The following NCOR2 variants were observed in gnomAD, a reference collection of about 807,000 sequenced individuals.
NCOR2 encodes the protein CTG repeat protein 26.
In NCOR2, 81 loss-of-function variants were observed where a neutral mutation model predicts 262.9. That is an observed-to-expected ratio of 0.31 (90% confidence interval 0.26 to 0.37). NCOR2 has a LOEUF of 0.37. NCOR2 is among the 10% of genes least tolerant of loss of function. The probability of loss-of-function intolerance (pLI) is 1.00; values close to 1 mark genes in which losing one functional copy is unlikely to be tolerated. For missense variants in NCOR2, 3,385 were observed against 3,621.4 expected (o/e 0.93, Z 1.68); for synonymous variants, 1,659 against 1,559.3 (o/e 1.06, Z -1.51).
rs932133627 is a variant in NCOR2, at chr12:124,566,212, G to T, written c.-165+1096C>A. On this transcript the variant is annotated intron_variant, in intron 1 of 32. Coordinates refer to the NCOR2 transcript ENST00000458234. This position sits in a 1 kb window ranked among gnomAD's most constrained non-coding sequence, Gnocchi z 4.3. ...CACAATAAAACCAGTTCTCACCAAC[G>T]GGGGAGAGGAGGAGGGGGAGGAAGG... Among the ~76,000 whole-genome samples, 1 of 152,158 alleles carries T rather than the reference G, an allele frequency of 6.6e-6. No individual in the cohort carries two copies. The highest frequency in any genetic ancestry group is 1.5e-5 in the Non-Finnish European group (1 of 68,028).
intron 1 of NCOR2, among the ~76,000 whole-genome samples, chr12:124,519,903 C>T (rs1365228975): frequency 6.6e-6 from 1 of 152,208 alleles, no homozygotes; most frequent in Non-Finnish European, 1.5e-5. Context: ...CCAAGGTCAA[C>T]AGCTAGTGGC....
Position 124,457,755 on chromosome 12 carries a change from C to T in NCOR2, c.706-593G>A, listed in dbSNP as rs913992360. Among the ~76,000 whole-genome samples the T allele has an allele frequency of 6.6e-6, 1 of 152,108 alleles. No individual in the cohort carries two copies. ...TTATTAGGAAAACAGGAACATGTGG[C>T]GCAGGGCTCGGTGGCCGCTCCATCA... On this transcript the variant is annotated intron_variant, in intron 5 of 46. Coordinates refer to ENST00000405201, the Ensembl canonical transcript of NCOR2. This position sits in a 1 kb window ranked among gnomAD's most constrained non-coding sequence, Gnocchi z 4.0.
chr12:124,369,734 G>T (rs1361586507), intron 20 of NCOR2, among the ~76,000 whole-genome samples: 1 of 152,148 alleles, frequency 6.6e-6, no homozygotes, highest in Non-Finnish European at 1.5e-5. Flanking sequence ...CTGACTCCCA[G>T]CCGAGGACTC....
At chr12:124,475,592 G>C (rs745687461) in intron 3 of NCOR2, among the ~76,000 whole-genome samples, 9 of 152,252 alleles carry the variant, frequency 5.9e-5, no homozygotes, top group Non-Finnish European at 8.8e-5. Context: ...GGAACAAATG[G>C]GCATGGCTGT....
intron 7 of NCOR2, among the ~76,000 whole-genome samples, chr12:124,445,096 A>G (rs973357474): frequency 6.6e-6 from 1 of 152,198 alleles, no homozygotes; most frequent in Non-Finnish European, 1.5e-5. Flanking sequence ...GAAAAGAGAA[A>G]AACGAGCAAC....
At chr12:124,446,313 C>T (rs2045168875) in intron 7 of NCOR2, among the ~76,000 whole-genome samples, 1 of 152,224 alleles carries the variant, frequency 6.6e-6, no homozygotes, top group African/African-American at 2.4e-5. Flanking sequence ...TCCCTGCAGC[C>T]ACCAAAGTGA....
At chr12:124,508,191 C>T (rs968328202) in intron 1 of NCOR2, among the ~76,000 whole-genome samples, 4 of 152,254 alleles carry the variant, frequency 2.6e-5, no homozygotes, top group African/African-American at 7.2e-5. Flanking sequence ...ACCCCACTGC[C>T]GCCTGGGCTC....
rs74658827 is a variant in NCOR2, at chr12:124,382,391, G to A, written c.2019+3354C>T. On this transcript the variant is annotated intron_variant, in intron 17 of 46. Coordinates refer to ENST00000405201, the Ensembl canonical transcript of NCOR2. ...TGCTCCTTCAAGGTCGGCCAGGAGC[G>A]AGAACCAACCCCACACTCCCAAATC... is the stretch of plus-strand genomic sequence containing the variant. Among the ~76,000 whole-genome samples, 1,256 of 152,226 alleles carry A rather than the reference G, an allele frequency of 8.3e-3. 20 individuals carry two copies. The highest frequency in any genetic ancestry group is 0.028 in the African/African-American group (1,184 of 41,544).
intron 16 of NCOR2, among the ~76,000 whole-genome samples, chr12:124,386,688 C>T (rs991566095): frequency 6.6e-6 from 1 of 152,202 alleles, no homozygotes; most frequent in African/African-American, 2.4e-5. Flanking sequence ...CAGAGCATGC[C>T]GCCCCCCAGG....
chr12:124,554,075 G>A (rs2051804212), intron 1 of NCOR2, among the ~76,000 whole-genome samples: 1 of 152,200 alleles, frequency 6.6e-6, no homozygotes, highest in Non-Finnish European at 1.5e-5. Flanking sequence ...GGCCAAAAAG[G>A]AACAGGGTGA....
Position 124,483,753 on chromosome 12 carries a change from C to A in NCOR2, c.254G>T (p.Arg85Leu). 6.2e-7 allele frequency: 1 copy of A among 1,606,760 alleles called. No homozygotes were observed. The highest frequency in any genetic ancestry group is 8.5e-7 in the Non-Finnish European group (1 of 1,176,506). The change falls in exon 3 of 47, where the codon CGG becomes CTG. Residue 85 changes from arginine to leucine, a missense_variant. This residue lies in a region of NCOR2 where 237 missense variants were observed against 229.4 expected (regional missense o/e 1.03). Transcript: ENST00000405201. This position sits in a 1 kb window ranked among gnomAD's most constrained non-coding sequence, Gnocchi z 6.3. ...GGGCAGGTATGAGTGGGACTCTGGC[C>A]GCAGGTGGAGCTCCTGGGACCTGCA...
Position 124,466,359 on chromosome 12 carries a change from G to T in NCOR2, c.592-73C>A, listed in dbSNP as rs575657415. The T allele has an allele frequency of 5.2e-5, 73 of 1,414,372 alleles. No individual in the cohort carries two copies. The Middle Eastern group carries it at 8.7e-4, about 17-fold the overall frequency. 87.6% of individuals were successfully genotyped at this position (1,414,372 alleles called of 1,614,324 possible). Reference sequence around the variant, plus strand: ...AGGAGGGCTGCAGCCCCCAGGGCGCGGGGAGGCCCCCTTGCAGCCCGGGCC... The same window carrying T: ...AGGAGGGCTGCAGCCCCCAGGGCGCTGGGAGGCCCCCTTGCAGCCCGGGCC... On this transcript the variant is annotated intron_variant, in intron 4 of 46. Transcript: ENST00000405201.
rs138479570 is a variant in NCOR2 at position 124,470,080 on chromosome 12, C to T, written c.591+2872G>A. ...ACTCAGAAGGCTGAGGTAGAAGGATCGCTTGAGCCCAGGAGGTAGAGGCTC... is the reference window on the plus strand; with the variant it reads ...ACTCAGAAGGCTGAGGTAGAAGGATTGCTTGAGCCCAGGAGGTAGAGGCTC... On this transcript the variant is annotated intron_variant, in intron 4 of 46. Coordinates refer to ENST00000405201, the Ensembl canonical transcript of NCOR2. Among the ~76,000 whole-genome samples, 291 of 151,014 alleles carry T rather than the reference C, an allele frequency of 1.9e-3. 3 individuals carry two copies. Among genetic ancestry groups the T allele is most frequent in the African/African-American group, 6.6e-3 (272 of 41,072 alleles).
chr12:124,564,125 G>C (rs115721499), intron 1 of NCOR2, among the ~76,000 whole-genome samples: 2 of 152,222 alleles, frequency 1.3e-5, no homozygotes, highest in Admixed American at 6.5e-5. Context: ...TATTACTAGC[G>C]TATGATCCAC....
At chr12:124,431,196 A>G (rs1468418303) in intron 8 of NCOR2, among the ~76,000 whole-genome samples, 1 of 146,836 alleles carries the variant, frequency 6.8e-6, no homozygotes, top group African/African-American at 2.7e-5. Context: ...AGACATGCAC[A>G]CACAGGCACA....
chr12:124,543,248 C>T lies in NCOR2; in HGVS notation c.-164-7637G>A, dbSNP rs562579065. On this transcript the variant is annotated intron_variant, in intron 1 of 32. Transcript: ENST00000458234. Reference sequence around the variant, plus strand: ...AGCAACCCCGTGCCCTGCCCAGGAACGCGCCCCAGCCCCAGGGCCACCTGT... The same window carrying T: ...AGCAACCCCGTGCCCTGCCCAGGAATGCGCCCCAGCCCCAGGGCCACCTGT... 1.4e-3 allele frequency among the ~76,000 whole-genome samples: 206 copies of T among 152,360 alleles called. 1 individual carries two copies. The highest frequency in any genetic ancestry group is 0.011 in the Admixed American group (175 of 15,304).
At chr12:124,362,412 T>A in intron 21 of NCOR2, 115 bp from the exon 24 acceptor site, 1 of 929,424 alleles carries the variant, frequency 1.1e-6, no homozygotes, top group Non-Finnish European at 1.5e-6. Flanking sequence ...GCCAGCGACA[T>A]GCTCAAGGTC....
chr12:124,426,540 G>C, intron 11 of NCOR2, 82 bp downstream of exon 13: 1 of 1,338,130 alleles, frequency 7.5e-7, no homozygotes, highest in Non-Finnish European at 1.0e-6. Context: ...GCTCATTTGT[G>C]GTGGCTGCCG....
At chr12:124,356,005 G>C (rs894739656) in intron 23 of NCOR2, among the ~76,000 whole-genome samples, 2 of 152,238 alleles carry the variant, frequency 1.3e-5, no homozygotes, top group African/African-American at 4.8e-5. Flanking sequence ...AGGCTCGCCT[G>C]ACCTGGCCCC....
Sources: allele counts gnomAD v4.1 joint callset (sites outside exome capture counted in the v4.1 genomes callset), GRCh38; gene constraint gnomAD v4.1.1; regional missense constraint gnomAD v4.1.1; non-coding constraint Gnocchi (gnomAD v3.1); transcripts MANE v1.5; gene names NCBI Gene and HGNC (gene_info 2026-07-23, HGNC 2026-07-21).